THADA: variants seen among roughly 807,000 people sequenced by gnomAD.
THADA encodes the protein THADA armadillo repeat containing.
Under a neutral mutation model 219.8 loss-of-function variants are expected in THADA, and 213 were observed. That is an observed-to-expected ratio of 0.97 (90% CI 0.87 to 1.09). The LOEUF is 1.09. THADA is among the 50% of genes least tolerant of loss of function. THADA has a pLI of 0.00. For missense variants in THADA, 2,956 were observed against 2,311.3 expected, an observed-to-expected ratio of 1.28 and a Z score of -5.72; for synonymous variants, 1,018 against 828.9, an observed-to-expected ratio of 1.23 and a Z score of -3.92.
chr2:43,548,667 T>C (rs1202018002), intron 20 of THADA, among the ~76,000 whole-genome samples: 1 of 152,230 alleles, frequency 6.6e-6, no homozygotes, highest in Non-Finnish European at 1.5e-5. Context: ...TAGGACCCTC[T>C]GAGCCAGGTG....
At chr2:43,462,705 G>C (rs954551247) in intron 26 of THADA, among the ~76,000 whole-genome samples, 1 of 152,114 alleles carries the variant, frequency 6.6e-6, no homozygotes, top group African/African-American at 2.4e-5. Context: ...GTGCCCTATG[G>C]TTGCCATTTG....
intron 21 of THADA, among the ~76,000 whole-genome samples, chr2:43,531,439 G>C (rs1185056586): frequency 2.0e-5 from 3 of 152,194 alleles, no homozygotes; most frequent in African/African-American, 7.2e-5. Flanking sequence ...GAGTGACCTA[G>C]AGGTTTCGTG....
intron 28 of THADA, among the ~76,000 whole-genome samples, chr2:43,422,394 C>A (rs564243085): frequency 6.6e-6 from 1 of 152,138 alleles, no homozygotes; most frequent in Admixed American, 6.5e-5. Context: ...CTCCCCTCGA[C>A]AGATACTAGT....
At chr2:43,508,375 A>T (rs1689969429) in intron 23 of THADA, among the ~76,000 whole-genome samples, 1 of 152,166 alleles carries the variant, frequency 6.6e-6, no homozygotes, top group Admixed American at 6.5e-5. Flanking sequence ...ACTGTGCCAC[A>T]GTGATGTCTG....
intron 26 of THADA, among the ~76,000 whole-genome samples, chr2:43,435,580 C>T (rs990778358): frequency 1.3e-5 from 2 of 151,798 alleles, no homozygotes; most frequent in Non-Finnish European, 2.9e-5. Flanking sequence ...TTCAAGAGTT[C>T]GAGACCAACC....
chr2:43,449,294 T>G (rs12105786), intron 26 of THADA, among the ~76,000 whole-genome samples: 16,884 of 151,704 alleles, frequency 0.11, 1,071 homozygotes, highest in African/African-American at 0.16. Context: ...AAAAAAAAGA[T>G]TAAAGAAATG....
chr2:43,580,319 A>G lies in THADA; in HGVS notation c.721+1422T>C, dbSNP rs180996265. Among the ~76,000 whole-genome samples the G allele has an allele frequency of 1.2e-3, 176 of 152,060 alleles. 1 individual carries two copies. The highest frequency in any genetic ancestry group is 3.5e-3 in the East Asian group (18 of 5,148). On this transcript the variant is annotated intron_variant, in intron 8 of 37. Transcript: ENST00000405975. The stretch of plus-strand genomic sequence containing the variant: ...CTCCCAAAGTGCTGGGATTACAGGC[A>G]TGAGCCACCACACCCGGCCGAAGTT...
chr2:43,554,445 G>T (rs1289778219), intron 17 of THADA, among the ~76,000 whole-genome samples: 2 of 151,980 alleles, frequency 1.3e-5, no homozygotes, highest in Non-Finnish European at 2.9e-5. Context: ...ACATATAAAA[G>T]AACTCCTAAA....
At chr2:43,545,474 G>A (rs1003787072) in intron 20 of THADA, among the ~76,000 whole-genome samples, 3 of 152,086 alleles carry the variant, frequency 2.0e-5, no homozygotes, top group African/African-American at 7.2e-5. Context: ...TGTACCTCTG[G>A]TAGAATTCGG....
intron 23 of THADA, among the ~76,000 whole-genome samples, chr2:43,506,534 G>A (rs1046075326): frequency 2.6e-5 from 4 of 152,202 alleles, no homozygotes; most frequent in African/African-American, 7.2e-5. Flanking sequence ...CAAATGTATA[G>A]ATCTGGAAGG....
At chr2:43,244,046 C>T (rs1668881456) in intron 36 of THADA, among the ~76,000 whole-genome samples, 1 of 152,110 alleles carries the variant, frequency 6.6e-6, no homozygotes, top group Admixed American at 6.5e-5. Context: ...ATCAACAATA[C>T]ATTCCAAAAA....
chr2:43,455,496 G>A (rs76282560), intron 26 of THADA, among the ~76,000 whole-genome samples: 12,682 of 146,028 alleles, frequency 0.087, 596 homozygotes, highest in South Asian at 0.15. Context: ...GCATAAGCAC[G>A]TGCTCTCGCT....
intron 29 of THADA, among the ~76,000 whole-genome samples, chr2:43,374,800 T>G (rs564074283): frequency 3.3e-5 from 5 of 152,224 alleles, no homozygotes; most frequent in Non-Finnish European, 5.9e-5. Context: ...ACTATACAAA[T>G]TGATTTAAAG....
chr2:43,377,087 C>T (rs1239018593), intron 29 of THADA, among the ~76,000 whole-genome samples: 2 of 152,138 alleles, frequency 1.3e-5, no homozygotes, highest in Non-Finnish European at 2.9e-5. Flanking sequence ...GGGAGTGGCA[C>T]AATATCGTGG....
intron 20 of THADA, among the ~76,000 whole-genome samples, chr2:43,541,595 A>G (rs1347106190): frequency 6.6e-6 from 1 of 151,194 alleles, no homozygotes; most frequent in Non-Finnish European, 1.5e-5. Context: ...TGCAGCCTTG[A>G]CCTCCCAGGC....
At chr2:43,525,362 A>T (rs1693038088) in intron 22 of THADA, among the ~76,000 whole-genome samples, 1 of 152,256 alleles carries the variant, frequency 6.6e-6, no homozygotes, top group Admixed American at 6.5e-5. Flanking sequence ...GTCAAAAGGT[A>T]GACTGAATCC....
At chr2:43,509,779 C>T (rs1690160028) in intron 22 of THADA, among the ~76,000 whole-genome samples, 2 of 152,064 alleles carry the variant, frequency 1.3e-5, no homozygotes, top group Admixed American at 6.6e-5. Context: ...TTAAAGGAGG[C>T]ATTTTTTAAA....
chr2:43,536,983 C>A (rs955227395), intron 21 of THADA, among the ~76,000 whole-genome samples: 5 of 152,088 alleles, frequency 3.3e-5, no homozygotes, highest in African/African-American at 1.2e-4. Context: ...AATCCCTAAG[C>A]CTTAATTTGA....
intron 36 of THADA, among the ~76,000 whole-genome samples, chr2:43,265,266 C>T (rs1233185054): frequency 6.6e-6 from 1 of 152,236 alleles, no homozygotes; most frequent in African/African-American, 2.4e-5. Context: ...ACCTCCTGGG[C>T]CTCGTGGGTG....
Sources: gnomAD v4.1 joint callset for allele counts (sites outside exome capture counted in the v4.1 genomes callset) on GRCh38, gnomAD v4.1.1 for gene constraint, MANE v1.5 for transcripts, NCBI Gene and HGNC (gene_info 2026-07-23, HGNC 2026-07-21) for gene names.